The following DNM3 variants were observed in gnomAD, a reference collection of about 807,000 sequenced individuals.
DNM3 encodes the protein dynamin 3.
Under a neutral mutation model 101.6 loss-of-function variants are expected in DNM3, and 47 were observed. The observed-to-expected ratio is 0.46, with a 90% CI of 0.37 to 0.59. The LOEUF (loss-of-function observed/expected upper bound fraction) is 0.59, where lower values mean the gene tolerates loss of function less well. DNM3 is among the 20% of genes least tolerant of loss of function. The pLI is 0.00. For missense variants in DNM3, 849 were observed against 1,085.7 expected, an observed-to-expected ratio of 0.78 and a Z score of 3.06; for synonymous variants, 385 against 387.9, an observed-to-expected ratio of 0.99 and a Z score of 0.09.
chr1:172,333,567 T>C (rs146549320), intron 17 of DNM3, among the ~76,000 whole-genome samples: 240 of 152,318 alleles, frequency 1.6e-3, no homozygotes, highest in African/African-American at 5.4e-3. Flanking sequence ...AAACTGTAGT[T>C]GTTTCTAAAG....
intron 14 of DNM3, among the ~76,000 whole-genome samples, chr1:172,158,275 A>G (rs138018418): frequency 7.2e-5 from 11 of 152,154 alleles, no homozygotes; most frequent in Middle Eastern, 3.4e-3. Context: ...GATAAGGTTG[A>G]TAACTGGGAC....
intron 1 of DNM3, among the ~76,000 whole-genome samples, chr1:171,870,849 A>T (rs1206780340): frequency 6.6e-6 from 1 of 152,204 alleles, no homozygotes; most frequent in Non-Finnish European, 1.5e-5. Context: ...AGTACCCAGG[A>T]AGAGTTTATG....
At chr1:171,893,167 T>C (rs974664815) in intron 1 of DNM3, among the ~76,000 whole-genome samples, 1 of 152,192 alleles carries the variant, frequency 6.6e-6, no homozygotes, top group South Asian at 2.1e-4. Flanking sequence ...TTAGACTGTC[T>C]GTTTTGTCAC....
intron 1 of DNM3, among the ~76,000 whole-genome samples, chr1:171,853,430 G>A (rs2033210709): frequency 6.6e-6 from 1 of 152,178 alleles, no homozygotes; most frequent in Admixed American, 6.5e-5. Context: ...GCCTCCCAAA[G>A]TGGTGGCATT....
At chr1:172,070,074 GCTTGAGCTGTGGATTCATTGTCA>G (rs2052035449) in intron 11 of DNM3, among the ~76,000 whole-genome samples, 1 of 152,120 alleles carries the variant, frequency 6.6e-6, no homozygotes, top group Admixed American at 6.5e-5. Context: ...CCTTGTCTCT[GCTTGAGCTGTGGATTCATTGTCA>G]CTACTTTTTA....
At chr1:172,252,107 G>A (rs2148681859) in intron 14 of DNM3, among the ~76,000 whole-genome samples, 1 of 152,192 alleles carries the variant, frequency 6.6e-6, no homozygotes, top group East Asian at 1.9e-4. Context: ...TTATTGTTGA[G>A]CCTCTCTCAC....
intron 14 of DNM3, among the ~76,000 whole-genome samples, chr1:172,150,828 A>G (rs2058099656): frequency 6.6e-6 from 1 of 152,218 alleles, no homozygotes. Context: ...AGCTTTATGC[A>G]GGTAGGGCTG....
At chr1:172,278,082 G>A (rs1407704707) in intron 15 of DNM3, among the ~76,000 whole-genome samples, 1 of 152,086 alleles carries the variant, frequency 6.6e-6, no homozygotes, top group East Asian at 1.9e-4. Context: ...CAGTTGAAGT[G>A]AACACTTGGT....
At chr1:172,227,300 A>ATATATATATATC in intron 14 of DNM3, among the ~76,000 whole-genome samples, 1 of 120,998 alleles carries the variant, frequency 8.3e-6, no homozygotes, top group Non-Finnish European at 1.7e-5. Context: ...ATATATATAT[A>ATATATATATATC]TATATCACAT....
chr1:172,009,168 A>G (rs1199393059), intron 4 of DNM3, among the ~76,000 whole-genome samples: 2 of 141,244 alleles, frequency 1.4e-5, no homozygotes, highest in East Asian at 4.0e-4. Context: ...ATAATATTAT[A>G]TAATGTATTA....
At chr1:172,296,592 G>A (rs1016064209) in intron 15 of DNM3, among the ~76,000 whole-genome samples, 1 of 152,150 alleles carries the variant, frequency 6.6e-6, no homozygotes, top group African/African-American at 2.4e-5. Flanking sequence ...TGTTGCTGTA[G>A]GGGAATATTA....
intron 2 of DNM3, among the ~76,000 whole-genome samples, 154 bp from the exon 3 acceptor site, chr1:171,987,502 A>G (rs2045345618): frequency 6.6e-6 from 1 of 152,224 alleles, no homozygotes; most frequent in Non-Finnish European, 1.5e-5. Context: ...CTAAAGTATT[A>G]ATTGTGATTC....
At chr1:172,004,163 A>T (rs2046528321) in intron 4 of DNM3, among the ~76,000 whole-genome samples, 1 of 152,086 alleles carries the variant, frequency 6.6e-6, no homozygotes, top group Non-Finnish European at 1.5e-5. Flanking sequence ...GTATGTTTTG[A>T]GGAAGATGAA....
chr1:172,293,503 T>G (rs2064018484), intron 15 of DNM3, among the ~76,000 whole-genome samples: 1 of 152,246 alleles, frequency 6.6e-6, no homozygotes, highest in African/African-American at 2.4e-5. Context: ...TCTGCATGAT[T>G]GCAGCTGAAA....
intron 6 of DNM3, 83 bp from the exon 7 acceptor site, chr1:172,038,236 C>G: frequency 6.6e-7 from 1 of 1,516,432 alleles, no homozygotes; most frequent in Non-Finnish European, 9.0e-7. Context: ...ACAATGGAGG[C>G]GGATCTTTGT....
At chr1:172,108,779 G>A (rs1310351375) in intron 13 of DNM3, among the ~76,000 whole-genome samples, 1 of 152,166 alleles carries the variant, frequency 6.6e-6, no homozygotes, top group Non-Finnish European at 1.5e-5. Context: ...CTGTACACTT[G>A]CCTTACCAAA....
chr1:172,068,722 A>G lies in DNM3; in HGVS notation c.1336-97A>G, dbSNP rs573729110. ...TTTCATTTTTGCTTCCAGAATGGCA[A>G]TGAATATCTTCTGTAAAATAACATA... On this transcript the variant is annotated intron_variant, in intron 10 of 20. Coordinates refer to ENST00000627582, the MANE Select transcript of DNM3 (RefSeq NM_015569.5). The G allele has an allele frequency of 1.2e-4, 129 of 1,092,710 alleles. No homozygotes were observed. The African/African-American group carries it at 1.8e-3, about 15-fold the overall frequency. The allele number at this position is 1,092,710 out of a possible 1,614,324, so 67.7% of individuals were successfully genotyped here.
chr1:172,155,575 G>A (rs1004313025), intron 14 of DNM3, among the ~76,000 whole-genome samples: 4 of 152,046 alleles, frequency 2.6e-5, no homozygotes, highest in African/African-American at 9.7e-5. Flanking sequence ...TACACTCAGA[G>A]CCAAGGGGCT....
intron 15 of DNM3, among the ~76,000 whole-genome samples, chr1:172,296,677 A>G (rs1437218346): frequency 8.5e-5 from 13 of 152,192 alleles, no homozygotes. Flanking sequence ...GTTTCGTGCT[A>G]TTCAATAAGA....
Sources: gnomAD v4.1 joint callset for allele counts (sites outside exome capture counted in the v4.1 genomes callset) on GRCh38, gnomAD v4.1.1 for gene constraint, MANE v1.5 for transcripts, NCBI Gene and HGNC (gene_info 2026-07-23, HGNC 2026-07-21) for gene names.